The following ZCCHC17 variants were observed in gnomAD, a reference collection of about 807,000 sequenced individuals.
ZCCHC17 encodes zinc finger CCHC-type containing 17.
ZCCHC17 carries 18 observed loss-of-function variants against 30.6 expected under a neutral mutation model. The ratio of observed to expected loss-of-function variants is 0.59; its 90% CI spans 0.41 to 0.87. The LOEUF (loss-of-function observed/expected upper bound fraction) is 0.87, where lower values mean the gene tolerates loss of function less well. ZCCHC17 is among the 40% of genes least tolerant of loss of function. ZCCHC17 has a pLI of 0.00. For missense variants in ZCCHC17, 263 were observed against 284.2 expected (o/e 0.93, Z 0.54); for synonymous variants, 88 against 92.4 (o/e 0.95, Z 0.27).
chr1:31,356,903 G>A (rs1639662370), intron 7 of ZCCHC17, among the ~76,000 whole-genome samples: 1 of 152,190 alleles, frequency 6.6e-6, no homozygotes, highest in African/African-American at 2.4e-5. Flanking sequence ...GGGCTATGAA[G>A]TGGTTGGTAA....
chr1:31,345,209 T>C (rs1453030081), intron 5 of ZCCHC17, among the ~76,000 whole-genome samples: 21 of 151,706 alleles, frequency 1.4e-4, no homozygotes, highest in Admixed American at 1.2e-3. Context: ...CAGGCTGGAG[T>C]GCAGTGGCGC....
At chr1:31,359,698 A>G (rs1557462674) in intron 7 of ZCCHC17, among the ~76,000 whole-genome samples, 1 of 152,188 alleles carries the variant, frequency 6.6e-6, no homozygotes, top group Non-Finnish European at 1.5e-5. Flanking sequence ...AACAAGGGAT[A>G]TGTGCTTTTC....
intron 1 of ZCCHC17, among the ~76,000 whole-genome samples, chr1:31,303,000 G>A (rs898615509): frequency 2.0e-5 from 3 of 152,110 alleles, no homozygotes; most frequent in South Asian, 4.1e-4. Context: ...GCTCTTGGCC[G>A]GGTGCCATGG....
At chr1:31,360,073 G>A (rs949027228) in intron 7 of ZCCHC17, among the ~76,000 whole-genome samples, 28 of 151,058 alleles carry the variant, frequency 1.9e-4, no homozygotes, top group South Asian at 1.3e-3. Flanking sequence ...CTCTGCCTCC[G>A]GGTTCAAGCA....
intron 3 of ZCCHC17, among the ~76,000 whole-genome samples, chr1:31,324,221 C>T (rs185283486): frequency 6.6e-6 from 1 of 152,312 alleles, no homozygotes; most frequent in East Asian, 1.9e-4. Flanking sequence ...ACCTGTAATT[C>T]CAGCTACTTG....
intron 1 of ZCCHC17, among the ~76,000 whole-genome samples, 197 bp from the exon 2 acceptor site, chr1:31,309,847 A>G (rs1424847038): frequency 6.6e-6 from 1 of 152,204 alleles, no homozygotes; most frequent in African/African-American, 2.4e-5. Flanking sequence ...GGCCTTGGGT[A>G]AGTAACAAAT....
chr1:31,306,863 G>A (rs953389822), intron 1 of ZCCHC17, among the ~76,000 whole-genome samples: 20 of 151,692 alleles, frequency 1.3e-4, no homozygotes, highest in Non-Finnish European at 2.9e-5. Context: ...TTTTGAGACG[G>A]AGTCTTGCTC....
intron 7 of ZCCHC17, among the ~76,000 whole-genome samples, chr1:31,354,178 A>G (rs1172918997): frequency 1.3e-5 from 2 of 151,512 alleles, no homozygotes; most frequent in East Asian, 3.9e-4. Flanking sequence ...CTTCCTAAGT[A>G]TTTTTTTCTT....
At chr1:31,325,153 C>T (rs1638284579) in intron 3 of ZCCHC17, among the ~76,000 whole-genome samples, 1 of 152,188 alleles carries the variant, frequency 6.6e-6, no homozygotes, top group African/African-American at 2.4e-5. Context: ...GCTGCCCATT[C>T]TGGGTCTCCT....
intron 2 of ZCCHC17, among the ~76,000 whole-genome samples, chr1:31,312,339 G>C (rs759031830): frequency 2.0e-5 from 3 of 152,170 alleles, no homozygotes; most frequent in Non-Finnish European, 1.5e-5. Flanking sequence ...GCTGAGTTGT[G>C]TCTGTTTTGT....
chr1:31,358,784 T>C lies in ZCCHC17; in HGVS notation c.565-5248T>C, dbSNP rs1172119424. 2.6e-5 allele frequency among the ~76,000 whole-genome samples: 4 copies of C among 152,248 alleles called. No homozygotes were observed. In the East Asian group the frequency reaches 7.7e-4, roughly 29 times the overall value. ...GACCATAGAGTAGACAGTGGATATA[T>C]AGTTTGGAGTTCAAGGGAGAGGCCC... is the stretch of plus-strand genomic sequence containing the variant. On this transcript the variant is annotated intron_variant, in intron 7 of 7. Coordinates refer to ENST00000344147, the MANE Select transcript of ZCCHC17 (RefSeq NM_016505.4).
At chr1:31,320,477 T>G (rs949214438) in intron 3 of ZCCHC17, among the ~76,000 whole-genome samples, 6 of 152,208 alleles carry the variant, frequency 3.9e-5, no homozygotes, top group Non-Finnish European at 5.9e-5. Flanking sequence ...TCACTCCAGA[T>G]TCTCTCTATG....
At chr1:31,358,228 G>C (rs948694652) in intron 7 of ZCCHC17, among the ~76,000 whole-genome samples, 1 of 152,184 alleles carries the variant, frequency 6.6e-6, no homozygotes, top group Non-Finnish European at 1.5e-5. Flanking sequence ...ACAGTGAAAT[G>C]AATGAAAAGA....
chr1:31,303,659 T>G (rs2148405391), intron 1 of ZCCHC17, among the ~76,000 whole-genome samples: 1 of 152,332 alleles, frequency 6.6e-6, no homozygotes, highest in East Asian at 1.9e-4. Context: ...TTAAAATTTT[T>G]TTTTGAAACT....
At chr1:31,334,726 A>G (rs61780105) in intron 3 of ZCCHC17, among the ~76,000 whole-genome samples, 60 of 152,280 alleles carry the variant, frequency 3.9e-4, no homozygotes, top group Non-Finnish European at 6.8e-4. Context: ...TACTTGATAC[A>G]TAATAGGCAC....
intron 5 of ZCCHC17, among the ~76,000 whole-genome samples, chr1:31,345,567 A>AATATACATATATATAATATAAT (rs1639233958): frequency 8.0e-5 from 8 of 99,532 alleles, no homozygotes; most frequent in African/African-American, 3.2e-4. Flanking sequence ...TATATAATAT[A>AATATACATATATATAATATAAT]ATATATATAT....
chr1:31,311,236 T>A (rs748108828), intron 2 of ZCCHC17, among the ~76,000 whole-genome samples: 5 of 152,060 alleles, frequency 3.3e-5, no homozygotes, highest in Non-Finnish European at 7.4e-5. Flanking sequence ...AGAATAAGAT[T>A]TTTAAAGTAG....
intron 1 of ZCCHC17, chr1:31,297,334 G>C (rs928610782): frequency 5.1e-6 from 2 of 395,742 alleles, no homozygotes; most frequent in Non-Finnish European, 8.9e-6. Context: ...TCCTGTGCCG[G>C]GCATTCCCAG....
intron 3 of ZCCHC17, among the ~76,000 whole-genome samples, chr1:31,328,662 G>T (rs1638455975): frequency 6.6e-6 from 1 of 152,140 alleles, no homozygotes; most frequent in African/African-American, 2.4e-5. Context: ...AGATACATGG[G>T]GTAGGGTATG....
Sources: allele counts gnomAD v4.1 joint callset (sites outside exome capture counted in the v4.1 genomes callset), GRCh38; gene constraint gnomAD v4.1.1; transcripts MANE v1.5; gene names NCBI Gene and HGNC (gene_info 2026-07-23, HGNC 2026-07-21).